Variants in UGGT2 observed in about 807,000 individuals in gnomAD.
UGGT2 encodes the protein UDP-glucose glycoprotein glucosyltransferase 2.
UGGT2 carries 180 observed loss-of-function variants against 192.1 expected under a neutral mutation model. The observed-to-expected ratio is 0.94, with a 90% CI of 0.83 to 1.06. UGGT2 has a LOEUF of 1.06. Ranked by LOEUF, UGGT2 falls within the 50% of genes least tolerant of loss-of-function variation. UGGT2 has a pLI of 0.00. For missense variants in UGGT2, 1,849 were observed against 1,795.7 expected, an observed-to-expected ratio of 1.03 and a Z score of -0.54; for synonymous variants, 580 against 591.0, an observed-to-expected ratio of 0.98 and a Z score of 0.27.
intron 12 of UGGT2, among the ~76,000 whole-genome samples, chr13:95,955,275 T>C (rs996199332): frequency 3.3e-5 from 5 of 152,238 alleles, no homozygotes; most frequent in African/African-American, 9.6e-5. Flanking sequence ...CACCAGGCTA[T>C]GATACAGCTG....
At chr13:95,983,613 G>C in intron 10 of UGGT2, 191 bp downstream of exon 10, 1 of 651,452 alleles carries the variant, frequency 1.5e-6, no homozygotes, top group Non-Finnish European at 2.9e-6. Context: ...ATAAGTAGAA[G>C]GTATGTCAGA....
At position 96,048,338 on chromosome 13, in the gene UGGT2, T is replaced by C. The variant is rs979778626; in HGVS notation, c.158+4817A>G. On this transcript the variant is annotated intron_variant, in intron 1 of 38. Transcript: ENST00000376747. ...TCTCTGGGACACATTTAAAGCAGTG[T>C]GTAGAGGGAAATTTATAGCACTAAA... Among the ~76,000 whole-genome samples, 8 of 152,154 alleles carry C rather than the reference T, an allele frequency of 5.3e-5. 1 individual carries two copies. The highest frequency in any genetic ancestry group is 2.0e-4 in the Admixed American group (3 of 15,284).
chr13:95,845,616 C>T (rs1384150387), intron 36 of UGGT2, among the ~76,000 whole-genome samples: 5 of 151,936 alleles, frequency 3.3e-5, no homozygotes, highest in Admixed American at 2.6e-4. Context: ...CTTTTCCCCA[C>T]ATTTCCCCCT....
chr13:96,041,597 CAAGTTCTCAGCCCTGCTCGCCCACCACCT>C (rs1338268970), intron 1 of UGGT2, among the ~76,000 whole-genome samples: 37 of 152,242 alleles, frequency 2.4e-4, no homozygotes, highest in Middle Eastern at 3.4e-3. Flanking sequence ...TAGCCTGGGG[CAAGTTCTCAGCCCTGCTCGCCCACCACCT>C]AAGTTCTCAG....
At chr13:96,044,437 C>A (rs1413673418) in intron 1 of UGGT2, among the ~76,000 whole-genome samples, 1 of 152,116 alleles carries the variant, frequency 6.6e-6, no homozygotes, top group Non-Finnish European at 1.5e-5. Flanking sequence ...TAAGGTCTAA[C>A]CTCAAGGAAC....
chr13:95,841,633 C>A (rs1312813361), intron 36 of UGGT2, among the ~76,000 whole-genome samples: 1 of 152,170 alleles, frequency 6.6e-6, no homozygotes, highest in Non-Finnish European at 1.5e-5. Context: ...AATATTTTGT[C>A]CCATTCTAAA....
intron 17 of UGGT2, among the ~76,000 whole-genome samples, chr13:95,933,391 T>C (rs1170048225): frequency 6.6e-6 from 1 of 152,212 alleles, no homozygotes; most frequent in Non-Finnish European, 1.5e-5. Context: ...TGTATTTCTA[T>C]GGGATCAGTT....
chr13:95,867,507 A>T, intron 29 of UGGT2, 84 bp from the exon 30 acceptor site: 1 of 1,159,760 alleles, frequency 8.6e-7, no homozygotes, highest in African/African-American at 1.6e-5. Context: ...TCATTTTGCA[A>T]TAAACGTAAG....
intron 17 of UGGT2, among the ~76,000 whole-genome samples, chr13:95,932,452 C>G (rs1395428769): frequency 6.6e-6 from 1 of 151,646 alleles, no homozygotes; most frequent in Non-Finnish European, 1.5e-5. Flanking sequence ...AATTTTGAAT[C>G]CTGAAACTTT....
In UGGT2 at chr13:95,928,556, G is replaced by A. The variant is rs978224278; in HGVS notation, c.1978-1220C>T. Among the ~76,000 whole-genome samples, 16 of 152,020 alleles carry A rather than the reference G, an allele frequency of 1.1e-4. 2 individuals carry two copies. Among genetic ancestry groups the A allele is most frequent in the African/African-American group, 3.6e-4 (15 of 41,462 alleles). Reference sequence around the variant, plus strand: ...CAGAGACACTCCTCAGTTCCCAGACGGGGTCGCGGCGGGGCAGAGGTGCTC... The same window carrying A: ...CAGAGACACTCCTCAGTTCCCAGACAGGGTCGCGGCGGGGCAGAGGTGCTC... On this transcript the variant is annotated intron_variant, in intron 17 of 38. Coordinates refer to ENST00000376747, the MANE Select transcript of UGGT2 (RefSeq NM_020121.4).
intron 38 of UGGT2, among the ~76,000 whole-genome samples, chr13:95,825,264 G>A (rs561554476): frequency 6.6e-6 from 1 of 152,104 alleles, no homozygotes; most frequent in Non-Finnish European, 1.5e-5. Context: ...TGGTATCCCT[G>A]GGTAGGAACC....
intron 20 of UGGT2, among the ~76,000 whole-genome samples, chr13:95,905,119 C>G (rs1353319720): frequency 2.0e-5 from 3 of 152,096 alleles, no homozygotes; most frequent in Non-Finnish European, 4.4e-5. Context: ...TGTTCATGTC[C>G]TTCGCCCACT....
chr13:95,977,159 A>C (rs191469059), intron 10 of UGGT2, among the ~76,000 whole-genome samples: 2 of 152,360 alleles, frequency 1.3e-5, no homozygotes, highest in African/African-American at 2.4e-5. Flanking sequence ...TCATGACTAA[A>C]ATACCAAAAA....
intron 36 of UGGT2, among the ~76,000 whole-genome samples, chr13:95,847,569 A>T (rs1361524668): frequency 6.6e-6 from 1 of 152,178 alleles, no homozygotes; most frequent in Non-Finnish European, 1.5e-5. Context: ...TAATCTTTTC[A>T]GATTGGCTTC....
intron 15 of UGGT2, among the ~76,000 whole-genome samples, chr13:95,941,659 A>C (rs975117621): frequency 6.6e-6 from 1 of 152,240 alleles, no homozygotes; most frequent in African/African-American, 2.4e-5. Context: ...AATGCCTCAC[A>C]TAAGTTACTC....
intron 7 of UGGT2, among the ~76,000 whole-genome samples, chr13:95,994,601 C>T (rs1451190740): frequency 1.3e-5 from 2 of 151,610 alleles, no homozygotes; most frequent in African/African-American, 4.8e-5. Context: ...TGTTAAAATG[C>T]TTTATTACTA....
chr13:95,943,797 T>C (rs1054682020), intron 15 of UGGT2, among the ~76,000 whole-genome samples: 1 of 152,036 alleles, frequency 6.6e-6, no homozygotes, highest in Non-Finnish European at 1.5e-5. Flanking sequence ...CTTATTGCAT[T>C]GACTGGAACT....
At chr13:95,928,130 C>A (rs533697450) in intron 17 of UGGT2, among the ~76,000 whole-genome samples, 39 of 152,200 alleles carry the variant, frequency 2.6e-4, no homozygotes, top group African/African-American at 8.7e-4. Flanking sequence ...CTTTTCTATT[C>A]GACAAAACCG....
intron 38 of UGGT2, among the ~76,000 whole-genome samples, chr13:95,813,626 G>T (rs1026447938): frequency 6.6e-6 from 1 of 152,138 alleles, no homozygotes; most frequent in African/African-American, 2.4e-5. Context: ...TGTTTTCAAA[G>T]GAAGAATCCA....
Sources: allele counts gnomAD v4.1 joint callset (sites outside exome capture counted in the v4.1 genomes callset), GRCh38; gene constraint gnomAD v4.1.1; transcripts MANE v1.5; gene names NCBI Gene and HGNC (gene_info 2026-07-23, HGNC 2026-07-21).